Variants in SLC24A2 observed in about 807,000 individuals in gnomAD.
SLC24A2 encodes the protein sodium/potassium/calcium exchanger 2.
Under a neutral mutation model 62.0 loss-of-function variants are expected in SLC24A2, and 36 were observed. The ratio of observed to expected loss-of-function variants is 0.58; its 90% CI spans 0.44 to 0.77. The LOEUF (loss-of-function observed/expected upper bound fraction) is 0.77, where lower values mean the gene tolerates loss of function less well. SLC24A2 is among the 30% of genes least tolerant of loss of function. SLC24A2 has a pLI of 0.00. For missense variants in SLC24A2, 846 were observed against 817.9 expected, an observed-to-expected ratio of 1.03 and a Z score of -0.42; for synonymous variants, 358 against 294.0, an observed-to-expected ratio of 1.22 and a Z score of -2.23.
the SLC24A2 span, among the ~76,000 whole-genome samples, chr9:19,864,774 GA>G: frequency 2.6e-5 from 4 of 152,146 alleles, no homozygotes; most frequent in South Asian, 8.3e-4. Context: ...GTAAGATCTA[GA>G]ACATGACAAG....
the SLC24A2 span, among the ~76,000 whole-genome samples, chr9:20,110,458 CT>C: frequency 0.11 from 16,778 of 149,752 alleles, 1,563 homozygotes; most frequent in East Asian, 0.53. Context: ...ACTAAATGCA[CT>C]TTTTTTTTTC....
the SLC24A2 span, among the ~76,000 whole-genome samples, chr9:20,298,868 A>T: frequency 3.3e-5 from 5 of 152,328 alleles, no homozygotes; most frequent in East Asian, 5.8e-4. Context: ...CCTTCTCCTT[A>T]CTAGAGCCCA....
intron 2 of SLC24A2, among the ~76,000 whole-genome samples, chr9:19,722,856 C>A (rs1286435698): frequency 6.6e-6 from 1 of 152,060 alleles, no homozygotes; most frequent in African/African-American, 2.4e-5. Flanking sequence ...CAAAGAGTTT[C>A]TAGAGCATTT....
the SLC24A2 span, among the ~76,000 whole-genome samples, chr9:19,934,314 A>C: frequency 6.6e-6 from 1 of 152,130 alleles, no homozygotes; most frequent in African/African-American, 2.4e-5. This position sits in a 1 kb window ranked among gnomAD's most constrained non-coding sequence, Gnocchi z 4.1. Flanking sequence ...AGGCCAGTGA[A>C]GGATTTGGCA....
chr9:20,268,753 C>T, the SLC24A2 span, among the ~76,000 whole-genome samples: 157 of 152,298 alleles, frequency 1.0e-3, 1 homozygote, highest in African/African-American at 3.6e-3. Context: ...GTAAAGGATT[C>T]AGGCATCCTT....
At chr9:19,869,881 G>A in the SLC24A2 span, among the ~76,000 whole-genome samples, 1 of 152,056 alleles carries the variant, frequency 6.6e-6, no homozygotes, top group Non-Finnish European at 1.5e-5. Flanking sequence ...GCTACTGTCT[G>A]GTGTCACTTC....
the SLC24A2 span, among the ~76,000 whole-genome samples, chr9:19,820,038 T>TAA: frequency 9.3e-6 from 1 of 107,316 alleles, no homozygotes; most frequent in African/African-American, 4.2e-5. Flanking sequence ...CATATATATA[T>TAA]ATACATATAT....
At chr9:19,596,102 A>G (rs1371216335) in intron 5 of SLC24A2, among the ~76,000 whole-genome samples, 3 of 152,182 alleles carry the variant, frequency 2.0e-5, no homozygotes, top group Admixed American at 2.0e-4. Flanking sequence ...AGAAGGGCCT[A>G]GGTGTTGTGC....
At chr9:19,964,328 C>A in the SLC24A2 span, among the ~76,000 whole-genome samples, 2 of 151,602 alleles carry the variant, frequency 1.3e-5, no homozygotes, top group South Asian at 2.1e-4. Flanking sequence ...ATGTAACTAA[C>A]CTGCACATTG....
At chr9:20,261,733 C>CTTTTTTTTTTTTTTT in the SLC24A2 span, among the ~76,000 whole-genome samples, 7 of 75,292 alleles carry the variant, frequency 9.3e-5, 1 homozygote, top group Non-Finnish European at 1.4e-4. Flanking sequence ...AACACCAAAT[C>CTTTTTTTTTTTTTTT]TTTTTTTTTT....
At chr9:20,016,427 AAATGTTCT>A in the SLC24A2 span, among the ~76,000 whole-genome samples, 1 of 152,196 alleles carries the variant, frequency 6.6e-6, no homozygotes, top group Non-Finnish European at 1.5e-5. Context: ...TGCATTGGTA[AAATGTTCT>A]ATATTGACTC....
At chr9:20,159,399 G>T in the SLC24A2 span, among the ~76,000 whole-genome samples, 14 of 151,608 alleles carry the variant, frequency 9.2e-5, no homozygotes, top group African/African-American at 3.1e-4. Context: ...TAACATCTAA[G>T]ATTTTTTTAC....
At chr9:19,976,067 G>A in the SLC24A2 span, among the ~76,000 whole-genome samples, 51 of 152,126 alleles carry the variant, frequency 3.4e-4, 1 homozygote, top group African/African-American at 1.2e-3. Flanking sequence ...AACTTTTTGC[G>A]GTAACAGAGT....
intron 2 of SLC24A2, among the ~76,000 whole-genome samples, chr9:19,649,764 T>C (rs1224877251): frequency 2.0e-5 from 3 of 152,260 alleles, no homozygotes; most frequent in Non-Finnish European, 4.4e-5. Flanking sequence ...ATTTAACTAC[T>C]GGCACAGAAA....
At chr9:19,520,697 T>G (rs1833154338) in intron 10 of SLC24A2, among the ~76,000 whole-genome samples, 197 bp downstream of exon 10, 1 of 151,966 alleles carries the variant, frequency 6.6e-6, no homozygotes, top group Non-Finnish European at 1.5e-5. Flanking sequence ...TAGGGATGAC[T>G]TATTTTTCAT....
chr9:19,853,712 A>G, the SLC24A2 span, among the ~76,000 whole-genome samples: 1 of 152,222 alleles, frequency 6.6e-6, no homozygotes, highest in East Asian at 1.9e-4. Flanking sequence ...TTGATTTGCC[A>G]GTATTTTATA....
At chr9:20,134,359 A>T in the SLC24A2 span, among the ~76,000 whole-genome samples, 1 of 152,166 alleles carries the variant, frequency 6.6e-6, no homozygotes, top group South Asian at 2.1e-4. Flanking sequence ...TCCCTTAAAA[A>T]ACAAAAACAA....
chr9:19,751,010 A>G (rs1486170816), intron 2 of SLC24A2, among the ~76,000 whole-genome samples: 2 of 152,222 alleles, frequency 1.3e-5, no homozygotes, highest in East Asian at 3.9e-4. Flanking sequence ...TTGTATACCC[A>G]CAGCATTCTG....
chr9:19,663,791 G>C (rs1380761364), intron 2 of SLC24A2, among the ~76,000 whole-genome samples: 3 of 152,194 alleles, frequency 2.0e-5, no homozygotes, highest in Non-Finnish European at 4.4e-5. Context: ...CATGGTTGCT[G>C]CTATCACAGG....
Sources: allele counts gnomAD v4.1 joint callset (sites outside exome capture counted in the v4.1 genomes callset), GRCh38; gene constraint gnomAD v4.1.1; non-coding constraint Gnocchi (gnomAD v3.1); transcripts MANE v1.5; gene names NCBI Gene and HGNC (gene_info 2026-07-23, HGNC 2026-07-21).